Variants in DOP1B observed in about 807,000 individuals in gnomAD.
The protein encoded by DOP1B is protein DOP1B.
Under a neutral mutation model 233.5 loss-of-function variants are expected in DOP1B, and 174 were observed. The ratio of observed to expected loss-of-function variants is 0.75; its 90% CI spans 0.66 to 0.85. DOP1B has a LOEUF of 0.85. Ranked by LOEUF, DOP1B falls within the 40% of genes least tolerant of loss-of-function variation. The pLI, the probability that DOP1B is intolerant of heterozygous loss-of-function variation, is 0.00. For missense variants in DOP1B, 2,652 were observed against 2,846.6 expected (o/e 0.93, Z 1.56); for synonymous variants, 1,190 against 1,185.6 (o/e 1.00, Z -0.08).
At chr21:36,276,706 T>C (rs986587240) in intron 27 of DOP1B, among the ~76,000 whole-genome samples, 5 of 152,000 alleles carry the variant, frequency 3.3e-5, no homozygotes, top group African/African-American at 1.2e-4. Context: ...CCAGGCATGG[T>C]GGCACATGCC....
At chr21:36,238,550 G>A (rs971027157) in intron 16 of DOP1B, 51 bp from the exon 17 acceptor site, 1 of 1,484,570 alleles carries the variant, frequency 6.7e-7, no homozygotes, top group Admixed American at 1.7e-5. Context: ...ACTGAAGACA[G>A]TGGTCAGTTA....
chr21:36,208,573 C>A, intron 4 of DOP1B, 142 bp from the exon 5 acceptor site: 1 of 816,478 alleles, frequency 1.2e-6, no homozygotes, highest in Non-Finnish European at 1.9e-6. Flanking sequence ...GAGATGGCAG[C>A]GGCTCCCGGC....
intron 23 of DOP1B, among the ~76,000 whole-genome samples, chr21:36,255,024 A>G (rs915375208): frequency 6.8e-6 from 1 of 147,268 alleles, no homozygotes; most frequent in African/African-American, 2.5e-5. Flanking sequence ...ATCTCAGCTC[A>G]TTGCAACCTC....
intron 9 of DOP1B, 84 bp from the exon 10 acceptor site, chr21:36,219,288 T>A (rs984418954): frequency 6.5e-7 from 1 of 1,547,022 alleles, no homozygotes; most frequent in African/African-American, 1.4e-5. Context: ...TTACTGTATA[T>A]ATGTCTTATG....
chr21:36,232,123 C>T (rs1310552827), intron 14 of DOP1B, among the ~76,000 whole-genome samples: 2 of 152,104 alleles, frequency 1.3e-5, no homozygotes, highest in Admixed American at 6.5e-5. Flanking sequence ...GGGTTACAGG[C>T]GTGAGCCACT....
At chr21:36,221,097 C>T (rs1476912902) in intron 10 of DOP1B, among the ~76,000 whole-genome samples, 1 of 152,178 alleles carries the variant, frequency 6.6e-6, no homozygotes, top group Non-Finnish European at 1.5e-5. Flanking sequence ...AGGTGTGAGC[C>T]ACTGTGCCCG....
At chr21:36,193,347 GTGA>G (rs1467375872) in intron 2 of DOP1B, among the ~76,000 whole-genome samples, 3 of 152,196 alleles carry the variant, frequency 2.0e-5, no homozygotes, top group African/African-American at 7.2e-5. Context: ...GATGCGGGCT[GTGA>G]TGATTCAGGA....
At chr21:36,252,560 T>G (rs2123610937) in intron 22 of DOP1B, among the ~76,000 whole-genome samples, 1 of 152,146 alleles carries the variant, frequency 6.6e-6, no homozygotes, top group Admixed American at 6.5e-5. Context: ...TTTTTTTTTT[T>G]TCTATTGAGA....
intron 1 of DOP1B, among the ~76,000 whole-genome samples, chr21:36,158,210 C>T (rs2065837803): frequency 6.6e-6 from 1 of 152,178 alleles, no homozygotes; most frequent in South Asian, 2.1e-4. Flanking sequence ...TTACTTCTTT[C>T]TGTGTCTAGT....
At position 36,263,492 on chromosome 21, in the gene DOP1B, A is replaced by G. The variant is rs2067196929; in HGVS notation, c.5316-54A>G. The G allele has an allele frequency of 8.2e-6, 12 of 1,458,592 alleles. No homozygotes were observed. In the South Asian group the frequency reaches 1.3e-4, roughly 15 times the overall value. 90.4% of individuals were successfully genotyped at this position (1,458,592 alleles called of 1,614,324 possible). A position where few individuals can be genotyped will look rare whatever the true frequency, so the allele number is the denominator to read the frequency against. On this transcript the variant is annotated intron_variant, in intron 24 of 36. Coordinates refer to ENST00000691173, the MANE Select transcript of DOP1B (RefSeq NM_001320714.2). Reference sequence around the variant, plus strand: ...GGATCTTAAATATGCTTATAAATAAATGTATTTTGACTTGTTCGTGGTTGA... The same window carrying G: ...GGATCTTAAATATGCTTATAAATAAGTGTATTTTGACTTGTTCGTGGTTGA...
intron 26 of DOP1B, among the ~76,000 whole-genome samples, chr21:36,269,336 C>G (rs2067261762): frequency 6.6e-6 from 1 of 151,426 alleles, no homozygotes. Context: ...TGTATTCTTA[C>G]TAGAGACAGG....
rs2066646645 is a variant in DOP1B, at chr21:36,223,242, A to T, written c.1262A>T (p.Glu421Val). The stretch of plus-strand genomic sequence containing the variant: ...CTCCCCTTTTACAGTGCAATCAAGG[A>T]AAACAGAAATGCCTCTGAGATTGTC... ...SGNSLISAIK[E>V]NRNASEIVKT... Residue 421 changes from glutamate (E) to valine (V), a missense_variant, in exon 11 of 37, where the codon GAA becomes GTA. This residue lies in a region of DOP1B where 2,617 missense variants were observed against 2,794.3 expected (regional missense o/e 0.94). Transcript: ENST00000691173. 6.2e-7 allele frequency: 1 copy of T among 1,601,802 alleles called. No homozygotes were observed. The highest frequency in any genetic ancestry group is 8.5e-7 in the Non-Finnish European group (1 of 1,176,772).
At chr21:36,265,562 C>T (rs964566053) in intron 26 of DOP1B, among the ~76,000 whole-genome samples, 6 of 152,212 alleles carry the variant, frequency 3.9e-5, no homozygotes, top group Non-Finnish European at 7.3e-5. Context: ...TCCCTGCTTT[C>T]GTGGCCTGTT....
intron 35 of DOP1B, among the ~76,000 whole-genome samples, 199 bp downstream of exon 35, chr21:36,289,405 T>C (rs2067529697): frequency 1.3e-5 from 2 of 151,348 alleles, no homozygotes; most frequent in Non-Finnish European, 1.5e-5. Context: ...CACAGGAGTG[T>C]TTATGAATGT....
At chr21:36,205,776 C>A (rs1331829501) in intron 4 of DOP1B, among the ~76,000 whole-genome samples, 2 of 151,270 alleles carry the variant, frequency 1.3e-5, no homozygotes, top group Non-Finnish European at 2.9e-5. Context: ...GAGGCCGAGG[C>A]GGGGGGTTAC....
chr21:36,223,448 G>A, intron 11 of DOP1B, 98 bp downstream of exon 11: 8 of 1,451,484 alleles, frequency 5.5e-6, no homozygotes, highest in Non-Finnish European at 7.3e-6. Flanking sequence ...ATAAGTAGCT[G>A]AAGCTGAGTA....
intron 2 of DOP1B, among the ~76,000 whole-genome samples, chr21:36,171,537 T>A (rs911780562): frequency 6.6e-6 from 1 of 151,724 alleles, no homozygotes; most frequent in Admixed American, 6.6e-5. Flanking sequence ...AAAGGGGAAA[T>A]GTAGACACAG....
chr21:36,211,750 C>A, intron 6 of DOP1B, 99 bp downstream of exon 6: 1 of 1,370,656 alleles, frequency 7.3e-7, no homozygotes, highest in Non-Finnish European at 1.0e-6. Flanking sequence ...CTCAGCCACT[C>A]ATGGGCATTA....
intron 18 of DOP1B, among the ~76,000 whole-genome samples, chr21:36,244,170 C>G (rs558866208): frequency 6.6e-6 from 1 of 151,566 alleles, no homozygotes; most frequent in African/African-American, 2.4e-5. Context: ...ACTATGGGCA[C>G]GCACCACCAC....
Sources: gnomAD v4.1 joint callset for allele counts (sites outside exome capture counted in the v4.1 genomes callset) on GRCh38, gnomAD v4.1.1 for gene constraint, gnomAD v4.1.1 regional missense constraint, MANE v1.5 for transcripts, NCBI Gene and HGNC (gene_info 2026-07-23, HGNC 2026-07-21) for gene names.